The following VPS13C variants were observed in gnomAD, a reference collection of about 807,000 sequenced individuals.
The protein encoded by VPS13C is intermembrane lipid transfer protein VPS13C.
Under a neutral mutation model 456.8 loss-of-function variants are expected in VPS13C, and 358 were observed. The ratio of observed to expected loss-of-function variants is 0.78; its 90% CI spans 0.72 to 0.86. VPS13C has a LOEUF of 0.86. Among genes scored for constraint, VPS13C ranks in the 40% least tolerant of loss-of-function variants. VPS13C has a pLI of 0.00. For synonymous variants in VPS13C, 1,578 were observed against 1,486.7 expected (o/e 1.06, Z -1.41); for missense variants, 4,818 against 4,385.4 (o/e 1.10, Z -2.79).
In VPS13C at chr15:61,915,635, T is replaced by C. The variant is rs766062581; in HGVS notation, c.8443A>G (p.Lys2815Glu). 5 of 1,585,056 alleles carry C rather than the reference T, an allele frequency of 3.2e-6. No individual in the cohort carries two copies. Among genetic ancestry groups the C allele is most frequent in the East Asian group, 4.5e-5 (2 of 44,780 alleles). Reference sequence around the variant, plus strand: ...TTATTATGTGAACAAAACCACACCTTATTTTTAGTAAAAATGTTCTTCTTC... The same window carrying C: ...TTATTATGTGAACAAAACCACACCTCATTTTTAGTAAAAATGTTCTTCTTC... ...FKKKNIFTKN[K>E]VQLKISTSAW... Residue 2815 changes from lysine to glutamate, a missense_variant and splice_region_variant, in exon 61 of 85, where the codon AAG (lysine) becomes GAG (glutamate). Coordinates refer to ENST00000644861, the MANE Select transcript of VPS13C (RefSeq NM_020821.3).
rs1381602688 is a variant in VPS13C at position 61,863,492 on chromosome 15, ATCGGTAAGTCTCTCC to A, written c.10885_10899del (p.Gly3629_Arg3633del). Reference sequence around the variant, plus strand: ...TTGCTTCCAGGAATAGCACAGTGGTATCGGTAAGTCTCTCCTTCCAACTTTTTGATATGATTCTGA... The same window carrying A: ...TTGCTTCCAGGAATAGCACAGTGGTATTCCAACTTTTTGATATGATTCTGA... On this transcript the variant is annotated inframe_deletion, in exon 82 of 85. Coordinates refer to ENST00000644861, the MANE Select transcript of VPS13C (RefSeq NM_020821.3). 3 of 1,612,918 alleles carry A rather than the reference ATCGGTAAGTCTCTCC, an allele frequency of 1.9e-6. No individual in the cohort carries two copies. Among genetic ancestry groups the A allele is most frequent in the Non-Finnish European group, 2.5e-6 (3 of 1,179,292 alleles).
chr15:61,929,368 GT>G lies in VPS13C; in HGVS notation c.6286+132del, dbSNP rs1459868990. On this transcript the variant is annotated intron_variant, in intron 51 of 84. Coordinates refer to ENST00000644861, the MANE Select transcript of VPS13C (RefSeq NM_020821.3). ...TGTTTTAAAAAACTAAAAAGCTAAA[GT>G]TTTTATATAGAATATGTTTAAATAT... 29 of 1,259,416 alleles carry G rather than the reference GT, an allele frequency of 2.3e-5. No individual in the cohort carries two copies. In the South Asian group the frequency reaches 4.2e-4, roughly 18 times the overall value. 78.0% of individuals were successfully genotyped at this position (1,259,416 alleles called of 1,614,324 possible). A position where few individuals can be genotyped will look rare whatever the true frequency, so the allele number is the denominator to read the frequency against.
At chr15:61,969,608 A>G (rs961431713) in intron 27 of VPS13C, among the ~76,000 whole-genome samples, 156 bp from the exon 28 acceptor site, 13 of 152,306 alleles carry the variant, frequency 8.5e-5, no homozygotes, top group Non-Finnish European at 1.3e-4. Flanking sequence ...TGGAAATTAC[A>G]AAACTTAAAT....
intron 3 of VPS13C, among the ~76,000 whole-genome samples, chr15:62,039,233 C>A (rs547238863): frequency 3.5e-4 from 53 of 152,150 alleles, no homozygotes; most frequent in African/African-American, 1.3e-3. Context: ...TACATATATA[C>A]CATGCAATAG....
chr15:62,028,462 T>G (rs755269394), intron 5 of VPS13C, 42 bp from the exon 6 acceptor site: 1 of 1,582,534 alleles, frequency 6.3e-7, no homozygotes, highest in African/African-American at 1.3e-5. Flanking sequence ...GCAAAGCAAT[T>G]TAAAGACACC....
At position 61,960,375 on chromosome 15, in the gene VPS13C, C is replaced by T. The variant is rs188906104; in HGVS notation, c.3909-780G>A. 2.4e-4 allele frequency among the ~76,000 whole-genome samples: 37 copies of T among 152,256 alleles called. No homozygotes were observed. In the East Asian group the frequency reaches 6.9e-3, roughly 29 times the overall value. On this transcript the variant is annotated intron_variant, in intron 35 of 84. Coordinates refer to ENST00000644861, the MANE Select transcript of VPS13C (RefSeq NM_020821.3). ...CAATAGTACAGAATACAATTATACGCTATGGGTGATCCTGAATCAGGGAGA... is the reference window on the plus strand; with the variant it reads ...CAATAGTACAGAATACAATTATACGTTATGGGTGATCCTGAATCAGGGAGA...
intron 45 of VPS13C, among the ~76,000 whole-genome samples, chr15:61,944,320 A>C (rs768123397): frequency 6.6e-6 from 1 of 152,214 alleles, no homozygotes; most frequent in Non-Finnish European, 1.5e-5. Flanking sequence ...GTTCTACCAA[A>C]AAGACACACA....
intron 73 of VPS13C, among the ~76,000 whole-genome samples, chr15:61,879,058 A>C (rs1471217985): frequency 6.6e-6 from 1 of 152,116 alleles, no homozygotes; most frequent in East Asian, 1.9e-4. Flanking sequence ...TAAGAAGAAA[A>C]ACATGTAAAC....
At chr15:61,854,688 C>CT (rs1893811380) in intron 84 of VPS13C, 130 bp from the exon 85 acceptor site, 6 of 1,055,270 alleles carry the variant, frequency 5.7e-6, no homozygotes, top group African/African-American at 1.6e-5. Flanking sequence ...GGATACAGTC[C>CT]AGATGTGTCA....
chr15:61,867,935 T>A lies in VPS13C; in HGVS notation c.10863+724A>T. 6.2e-7 allele frequency: 1 copy of A among 1,602,638 alleles called. No homozygotes were observed. The highest frequency in any genetic ancestry group is 8.5e-7 in the Non-Finnish European group (1 of 1,171,058). ...AGTTTAGGAAACATTTATTCCTGTA[T>A]TTCCAGTTCTTGCTGTGCAGGCAGA... On this transcript the variant is annotated intron_variant, in intron 81 of 84. Coordinates refer to ENST00000644861, the MANE Select transcript of VPS13C (RefSeq NM_020821.3). The surrounding 1 kb of genome is among the most constrained non-coding windows in gnomAD (Gnocchi z 5.0).
rs777201000 is a variant in VPS13C, at chr15:61,945,887, A to T, written c.4981-5T>A. On this transcript the variant is annotated splice_polypyrimidine_tract_variant and splice_region_variant and intron_variant, in intron 44 of 84. Transcript: ENST00000644861. The stretch of plus-strand genomic sequence containing the variant: ...ATCTCCCAAAATAGAGACAGCCTAA[A>T]AGTATTAGATTAACTGGTTATTATA... 1 of 1,599,090 alleles carries T rather than the reference A, an allele frequency of 6.3e-7. No individual in the cohort carries two copies. Among genetic ancestry groups the T allele is most frequent in the South Asian group, 1.1e-5 (1 of 88,364 alleles).
chr15:61,999,599 G>T (rs1013719604), intron 16 of VPS13C, among the ~76,000 whole-genome samples: 1 of 152,140 alleles, frequency 6.6e-6, no homozygotes, highest in African/African-American at 2.4e-5. Context: ...TAGTTTCTGA[G>T]ATGAGTGTTT....
Position 61,962,360 on chromosome 15 carries a change from AATT to A in VPS13C, c.3603+8_3603+10del. On this transcript the variant is annotated splice_region_variant and intron_variant, in intron 34 of 84. Coordinates refer to ENST00000644861, the MANE Select transcript of VPS13C (RefSeq NM_020821.3). Reference sequence around the variant, plus strand: ...AAAGTTGAAAAATCAATATACAAATAATTATTTTACCAGAAGTGACATAAGGAA... The same window carrying A: ...AAAGTTGAAAAATCAATATACAAATAATTTTACCAGAAGTGACATAAGGAA... 1 of 1,568,520 alleles carries A rather than the reference AATT, an allele frequency of 6.4e-7. No homozygotes were observed. Among genetic ancestry groups the A allele is most frequent in the Non-Finnish European group, 8.6e-7 (1 of 1,157,214 alleles).
intron 8 of VPS13C, 51 bp downstream of exon 8, chr15:62,023,357 GAAT>G: frequency 9.7e-6 from 11 of 1,129,402 alleles, no homozygotes; most frequent in Non-Finnish European, 1.2e-5. Flanking sequence ...GAAAAGTCAA[GAAT>G]ATTATAAAAT....
intron 1 of VPS13C, among the ~76,000 whole-genome samples, chr15:62,044,861 T>C (rs2048353661): frequency 1.3e-5 from 2 of 152,140 alleles, no homozygotes; most frequent in African/African-American, 2.4e-5. Context: ...TAGTCAAATA[T>C]TCATGCTGAC....
intron 81 of VPS13C, chr15:61,864,481 C>T: frequency 1.2e-6 from 1 of 820,834 alleles, no homozygotes; most frequent in Non-Finnish European, 1.5e-6. Flanking sequence ...AAATACAGAA[C>T]ATAAATATAC....
intron 48 of VPS13C, among the ~76,000 whole-genome samples, 193 bp from the exon 49 acceptor site, chr15:61,934,524 T>C (rs961625836): frequency 1.3e-5 from 2 of 152,202 alleles, no homozygotes; most frequent in Non-Finnish European, 2.9e-5. Flanking sequence ...ATTCCATATA[T>C]ATTTAGCATA....
chr15:61,973,586 T>C (rs535727769), intron 25 of VPS13C, 54 bp from the exon 26 acceptor site: 1 of 1,336,254 alleles, frequency 7.5e-7, no homozygotes, highest in Admixed American at 1.7e-5. Flanking sequence ...CAGGATTAAA[T>C]GTCATAAATG....
chr15:61,856,253 T>G, intron 83 of VPS13C, 33 bp downstream of exon 83: 1 of 1,609,998 alleles, frequency 6.2e-7, no homozygotes, highest in African/African-American at 1.3e-5. Context: ...AGCAATGAAC[T>G]CTTAGCTCTA....
Sources: gnomAD v4.1 joint callset for allele counts (sites outside exome capture counted in the v4.1 genomes callset) on GRCh38, gnomAD v4.1.1 for gene constraint, Gnocchi (gnomAD v3.1) non-coding constraint, MANE v1.5 for transcripts, NCBI Gene and HGNC (gene_info 2026-07-23, HGNC 2026-07-21) for gene names.